RDH5: variants seen among roughly 807,000 people sequenced by gnomAD.
RDH5 encodes 11-cis RDH.
In RDH5, 25 loss-of-function variants were observed where a neutral mutation model predicts 24.0. The observed-to-expected ratio is 1.04, with a 90% CI of 0.76 to 1.46. The LOEUF is 1.46. Ranked by LOEUF, RDH5 falls within the 40% of genes most tolerant of loss-of-function variation. RDH5 has a pLI of 0.00. For synonymous variants in RDH5, 170 were observed against 175.2 expected (o/e 0.97, Z 0.23); for missense variants, 369 against 410.3 (o/e 0.90, Z 0.87).
chr12:55,723,641 A>C, intron 3 of RDH5: 1 of 514,688 alleles, frequency 1.9e-6, no homozygotes, highest in Non-Finnish European at 3.5e-6. Context: ...CCATGCTTAA[A>C]ATATTAACTC....
chr12:55,723,733 C>T (rs1316822655), intron 3 of RDH5, 153 bp from the exon 4 acceptor site: 5 of 818,622 alleles, frequency 6.1e-6, no homozygotes, highest in Non-Finnish European at 1.0e-5. Context: ...CCTCCCTCTA[C>T]CCCACTTGAC....
intron 4 of RDH5, 92 bp from the exon 5 acceptor site, chr12:55,724,230 G>A: frequency 6.6e-7 from 1 of 1,507,024 alleles, no homozygotes; most frequent in Non-Finnish European, 9.1e-7. Flanking sequence ...GGAGGGGACT[G>A]AGGGTGACAA....
At position 55,724,434 on chromosome 12, in the gene RDH5, C is replaced by T. The variant is rs779634454; in HGVS notation, c.846C>T (p.Ser282=). Residue 282 remains serine, a synonymous_variant, in exon 5 of 5, where the codon AGC becomes AGT. Transcript: ENST00000257895. ...CTCGACACCCCCGAACCCGCTACAG[C>T]CCAGGTTGGGATGCCAAGCTGCTCT... ...LTARHPRTRY[S]PGWDAKLLWL... 8 of 1,614,178 alleles carry T rather than the reference C, an allele frequency of 5.0e-6. 1 individual carries two copies. In the South Asian group the frequency reaches 8.8e-5, roughly 18 times the overall value.
rs1373844150 is a variant in RDH5, at chr12:55,720,457, A to C, written c.-93A>C. The C allele has an allele frequency of 2.0e-5, 3 of 152,432 alleles. No individual in the cohort carries two copies. Among genetic ancestry groups the C allele is most frequent in the African/African-American group, 7.2e-5 (3 of 41,452 alleles). The allele number at this position is 152,432 out of a possible 1,614,324, so 9.4% of individuals were successfully genotyped here. A position where few individuals can be genotyped will look rare whatever the true frequency, so the allele number is the denominator to read the frequency against. On this transcript the variant is annotated 5_prime_UTR_variant, in exon 1 of 5. Coordinates refer to ENST00000257895, the MANE Select transcript of RDH5 (RefSeq NM_002905.5). ...CTGGGAAGACTGGGAGCAGTCTCTTAAACAAAAGCAAAAGAATAAGCTTCG... is the reference window on the plus strand; with the variant it reads ...CTGGGAAGACTGGGAGCAGTCTCTTCAACAAAAGCAAAAGAATAAGCTTCG...
intron 3 of RDH5, chr12:55,722,505 T>C (rs896229620): frequency 6.6e-6 from 1 of 152,430 alleles, no homozygotes; most frequent in Non-Finnish European, 1.5e-5. Context: ...AAAGGAGACA[T>C]GATGAGGACA....
rs544466160 is a variant in RDH5 at position 55,723,875 on chromosome 12, C to T, written c.570-11C>T. Reference sequence around the variant, plus strand: ...CAAGAACCCAGCAACTTCGCTCTGCCCCGACTCTAGGCGGGATGTAGCTCA... The same window carrying T: ...CAAGAACCCAGCAACTTCGCTCTGCTCCGACTCTAGGCGGGATGTAGCTCA... On this transcript the variant is annotated splice_polypyrimidine_tract_variant and intron_variant, in intron 3 of 4. Transcript: ENST00000257895. 1 of 1,613,180 alleles carries T rather than the reference C, an allele frequency of 6.2e-7. No individual in the cohort carries two copies. The highest frequency in any genetic ancestry group is 1.3e-5 in the African/African-American group (1 of 75,048).
In RDH5 at chr12:55,721,428, G is replaced by C. The variant is rs771262707; in HGVS notation, c.244G>C (p.Asp82His). The change falls in exon 2 of 5, where the codon GAT becomes CAT. Residue 82 changes from aspartate to histidine, a missense_variant. Physicochemically the swap from Asp to His is moderately conservative, Grantham distance 81. Coordinates refer to ENST00000257895, the MANE Select transcript of RDH5 (RefSeq NM_002905.5). This position sits in a 1 kb window ranked among gnomAD's most constrained non-coding sequence, Gnocchi z 4.7. The part of the protein sequence containing the change: ...ASSRLHTTLL[D>H]ITDPQSVQQA... ...CTCCCGCCTCCACACCACCCTGTTG[G>C]ATATCACTGATCCCCAGAGCGTCCA... is the stretch of plus-strand genomic sequence containing the variant. 6.2e-7 allele frequency: 1 copy of C among 1,613,506 alleles called. No individual in the cohort carries two copies. Among genetic ancestry groups the C allele is most frequent in the African/African-American group, 1.3e-5 (1 of 74,920 alleles).
At position 55,724,594 on chromosome 12, in the gene RDH5, T is replaced by G. The variant is rs768625987; in HGVS notation, c.*49T>G. On this transcript the variant is annotated 3_prime_UTR_variant, in exon 5 of 5. Coordinates refer to ENST00000257895, the MANE Select transcript of RDH5 (RefSeq NM_002905.5). Reference sequence around the variant, plus strand: ...GTTTTTCAAGGACAAGGACTTTGATTTATTTCTGCCCCCACCCTGGTACTG... The same window carrying G: ...GTTTTTCAAGGACAAGGACTTTGATGTATTTCTGCCCCCACCCTGGTACTG... 1 of 1,543,214 alleles carries G rather than the reference T, an allele frequency of 6.5e-7. No homozygotes were observed. The highest frequency in any genetic ancestry group is 8.9e-7 in the Non-Finnish European group (1 of 1,127,292).
In RDH5 at chr12:55,721,445, G is replaced by C; in HGVS notation, c.261G>C (p.Gln87His). ...HTTLLDITDP[Q>H]SVQQAAKWVE... ...CCCTGTTGGATATCACTGATCCCCA[G>C]AGCGTCCAGCAGGCAGCCAAGTGGG... Residue 87 changes from glutamine (Q) to histidine (H), a missense_variant, in exon 2 of 5, where the codon CAG becomes CAC. Transcript: ENST00000257895. This position sits in a 1 kb window ranked among gnomAD's most constrained non-coding sequence, Gnocchi z 4.7. The C allele has an allele frequency of 1.2e-6, 2 of 1,613,032 alleles. No homozygotes were observed. The highest frequency in any genetic ancestry group is 1.7e-6 in the Non-Finnish European group (2 of 1,180,022).
chr12:55,723,795 TG>T (rs1877045101), intron 3 of RDH5, 90 bp from the exon 4 acceptor site: 2 of 1,455,842 alleles, frequency 1.4e-6, no homozygotes, highest in South Asian at 2.3e-5. Context: ...CCCTGGTCTG[TG>T]GTAACTTTCT....
Position 55,721,534 on chromosome 12 carries a change from CCTG to C in RDH5, c.310+41_310+43del. 6.3e-7 allele frequency: 1 copy of C among 1,596,498 alleles called. No individual in the cohort carries two copies. Among genetic ancestry groups the C allele is most frequent in the East Asian group, 2.2e-5 (1 of 44,864 alleles). ...CCACCAGGAATATGGTGTGGGGTGT[CCTG>C]ATCCCCACAGTCACCCCAGGAGTCA... On this transcript the variant is annotated intron_variant, in intron 2 of 4. Coordinates refer to ENST00000257895, the MANE Select transcript of RDH5 (RefSeq NM_002905.5). This position sits in a 1 kb window ranked among gnomAD's most constrained non-coding sequence, Gnocchi z 4.7.
In RDH5 at chr12:55,724,696, C is replaced by G; in HGVS notation, c.*151C>G. On this transcript the variant is annotated 3_prime_UTR_variant, in exon 5 of 5. Coordinates refer to ENST00000257895, the MANE Select transcript of RDH5 (RefSeq NM_002905.5). The stretch of plus-strand genomic sequence containing the variant: ...TAAAAAGAAGGTGGGCAGAAATGTG[C>G]CCAGTGGAAGGCTGACCCCATTTAA... The G allele has an allele frequency of 3.7e-6, 3 of 808,130 alleles. No homozygotes were observed. The Admixed American group carries it at 6.1e-5, about 16-fold the overall frequency. The allele number at this position is 808,130 out of a possible 1,614,324, so 50.1% of individuals were successfully genotyped here. A position where few individuals can be genotyped will look rare whatever the true frequency, so the allele number is the denominator to read the frequency against.
At chr12:55,724,221 G>A (rs1877083385) in intron 4 of RDH5, 101 bp from the exon 5 acceptor site, 1 of 1,472,390 alleles carries the variant, frequency 6.8e-7, no homozygotes. Context: ...CCACACTGAG[G>A]AGGGGACTGA....
chr12:55,720,785 G>C (rs1319979993), intron 1 of RDH5: 1 of 226,838 alleles, frequency 4.4e-6, no homozygotes, highest in African/African-American at 2.4e-5. Context: ...GCATATAGAA[G>C]GTTCAGTGTC....
chr12:55,724,242 C>T, intron 4 of RDH5, 80 bp from the exon 5 acceptor site: 1 of 1,545,084 alleles, frequency 6.5e-7, no homozygotes, highest in South Asian at 1.1e-5. Context: ...GGGTGACAAG[C>T]CCAGGGCCCC....
At chr12:55,724,167 G>A in intron 4 of RDH5, 118 bp downstream of exon 4, 1 of 1,470,582 alleles carries the variant, frequency 6.8e-7, no homozygotes, top group Non-Finnish European at 9.3e-7. Flanking sequence ...AGGGTGAACA[G>A]GATGTTACAA....
Position 55,721,980 on chromosome 12 carries a change from A to G in RDH5, c.569+33A>G. On this transcript the variant is annotated intron_variant, in intron 3 of 4. Transcript: ENST00000257895. The surrounding 1 kb of genome is among the most constrained non-coding windows in gnomAD (Gnocchi z 4.7). Reference sequence around the variant, plus strand: ...GTACAGGGCTCTGGGTTCCAGGACTAACAGCAGCCCACTCAACAAACGTGG... The same window carrying G: ...GTACAGGGCTCTGGGTTCCAGGACTGACAGCAGCCCACTCAACAAACGTGG... 1 of 1,607,568 alleles carries G rather than the reference A, an allele frequency of 6.2e-7. No homozygotes were observed. The highest frequency in any genetic ancestry group is 1.1e-5 in the South Asian group (1 of 90,126).
intron 3 of RDH5, 126 bp downstream of exon 3, chr12:55,722,073 C>T (rs1876952312): frequency 1.0e-6 from 1 of 953,088 alleles, no homozygotes; most frequent in Admixed American, 2.8e-5. Flanking sequence ...GGCTAGACTT[C>T]ATGGGTTCAA....
In RDH5 at chr12:55,721,017, G is replaced by T. The variant is rs1484842574; in HGVS notation, c.-32-136G>T. The T allele has an allele frequency of 9.0e-6, 6 of 665,276 alleles. No homozygotes were observed. Among genetic ancestry groups the T allele is most frequent in the Non-Finnish European group, 1.4e-5 (5 of 366,864 alleles). 41.2% of individuals were successfully genotyped at this position (665,276 alleles called of 1,614,324 possible). On this transcript the variant is annotated intron_variant, in intron 1 of 4. Coordinates refer to ENST00000257895, the MANE Select transcript of RDH5 (RefSeq NM_002905.5). This position sits in a 1 kb window ranked among gnomAD's most constrained non-coding sequence, Gnocchi z 4.7. The stretch of plus-strand genomic sequence containing the variant: ...CCACATCTTTGCTTTGAACAGATGA[G>T]CCATGGTTGGCCAATTATCTGCCAA...
Sources: gnomAD v4.1 joint callset for allele counts on GRCh38, gnomAD v4.1.1 for gene constraint, Gnocchi (gnomAD v3.1) non-coding constraint, MANE v1.5 for transcripts, NCBI Gene and HGNC (gene_info 2026-07-23, HGNC 2026-07-21) for gene names.